FBXO16: variants seen among roughly 807,000 people sequenced by gnomAD.
The protein encoded by FBXO16 is F-box protein 16, also known as F-box only protein 16.
Under a neutral mutation model 41.0 loss-of-function variants are expected in FBXO16, and 31 were observed. The observed-to-expected ratio is 0.76, with a 90% CI of 0.57 to 1.02. The LOEUF is 1.02. Ranked by LOEUF, FBXO16 falls within the 50% of genes least tolerant of loss-of-function variation. FBXO16 has a pLI of 0.00. For synonymous variants in FBXO16, 133 were observed against 117.8 expected, an observed-to-expected ratio of 1.13 and a Z score of -0.84; for missense variants, 361 against 346.2, an observed-to-expected ratio of 1.04 and a Z score of -0.34.
intron 3 of FBXO16, among the ~76,000 whole-genome samples, chr8:28,466,637 A>C (rs1349584248): frequency 2.6e-5 from 4 of 152,042 alleles, no homozygotes; most frequent in Non-Finnish European, 5.9e-5. Flanking sequence ...TTAAAAAAAA[A>C]AAAAAAAATT....
chr8:28,478,010 AAAAC>A (rs527928263), intron 2 of FBXO16, among the ~76,000 whole-genome samples: 14 of 152,142 alleles, frequency 9.2e-5, no homozygotes, highest in East Asian at 1.9e-4. Flanking sequence ...GAGATCCTCA[AAAAC>A]AAACAAACAA....
intron 5 of FBXO16, among the ~76,000 whole-genome samples, chr8:28,454,521 G>A (rs1803006058): frequency 6.6e-6 from 1 of 151,524 alleles, no homozygotes; most frequent in South Asian, 2.1e-4. Flanking sequence ...GAGGTCAGAA[G>A]ATCGAGACCA....
intron 1 of FBXO16, among the ~76,000 whole-genome samples, chr8:28,487,000 CTCCTT>C (rs1401483026): frequency 1.3e-5 from 2 of 152,072 alleles, no homozygotes; most frequent in East Asian, 1.9e-4. Context: ...GAACAACTCT[CTCCTT>C]TCCAGTTTGT....
intron 1 of FBXO16, among the ~76,000 whole-genome samples, chr8:28,486,193 T>C (rs933099922): frequency 9.2e-5 from 14 of 151,846 alleles, no homozygotes; most frequent in African/African-American, 3.4e-4. Context: ...GTTTTTGTTG[T>C]TGTTATTTAT....
intron 1 of FBXO16, among the ~76,000 whole-genome samples, chr8:28,485,727 T>C (rs1226233020): frequency 6.6e-6 from 1 of 152,216 alleles, no homozygotes; most frequent in African/African-American, 2.4e-5. Context: ...CGGACTCACA[T>C]TTAGGTAAGT....
intron 1 of FBXO16, among the ~76,000 whole-genome samples, chr8:28,488,644 A>C (rs1803641079): frequency 6.6e-6 from 1 of 151,980 alleles, no homozygotes; most frequent in Non-Finnish European, 1.5e-5. Context: ...TAACCACCTT[A>C]CTAAGTATCT....
chr8:28,484,432 C>G (rs1197411743), intron 1 of FBXO16, among the ~76,000 whole-genome samples: 1 of 152,138 alleles, frequency 6.6e-6, no homozygotes, highest in African/African-American at 2.4e-5. Context: ...GATTAAAGCA[C>G]TTTAATTTTC....
chr8:28,460,523 A>G (rs994719648), intron 4 of FBXO16, among the ~76,000 whole-genome samples: 1 of 142,104 alleles, frequency 7.0e-6, no homozygotes, highest in African/African-American at 2.6e-5. Context: ...TCCCAGATTC[A>G]AGCAACCCTT....
intron 4 of FBXO16, among the ~76,000 whole-genome samples, chr8:28,460,225 G>GTGTATATATATATATATATATATATA (rs1554526791): frequency 1.3e-5 from 1 of 75,226 alleles, no homozygotes; most frequent in African/African-American, 7.0e-5. Context: ...ATATGTGTGT[G>GTGTATATATATATATATATATATATA]TATATATATA....
chr8:28,453,297 T>C (rs926712323), intron 5 of FBXO16, among the ~76,000 whole-genome samples: 3 of 151,988 alleles, frequency 2.0e-5, no homozygotes, highest in African/African-American at 4.8e-5. Context: ...ACTCTGCCAT[T>C]GTCTAGTTTG....
In FBXO16 at chr8:28,430,714, G is replaced by C. The variant is rs767111299; in HGVS notation, c.844-1311C>G. Among the ~76,000 whole-genome samples the C allele has an allele frequency of 2.0e-5, 3 of 152,302 alleles. No homozygotes were observed. In the South Asian group the frequency reaches 6.2e-4, roughly 32 times the overall value. ...TGGCCAGGCGCAGTGGCTCATGCCT[G>C]TAATCCTAGCACTTTGGGAGGCCAA... On this transcript the variant is annotated intron_variant, in intron 7 of 8. Transcript: ENST00000380254.
At chr8:28,483,834 C>T (rs2130204536) in intron 1 of FBXO16, among the ~76,000 whole-genome samples, 1 of 152,042 alleles carries the variant, frequency 6.6e-6, no homozygotes, top group South Asian at 2.1e-4. Flanking sequence ...AGCGAGACTC[C>T]ACCTCAAAAA....
At chr8:28,457,010 G>T (rs1434065206) in intron 4 of FBXO16, 80 bp from the exon 5 acceptor site, 2 of 1,488,354 alleles carry the variant, frequency 1.3e-6, no homozygotes, top group African/African-American at 1.4e-5. Flanking sequence ...TAGGTTTTGA[G>T]CTGTCATCCT....
intron 7 of FBXO16, among the ~76,000 whole-genome samples, chr8:28,441,944 G>A (rs909594525): frequency 0.081 from 10,524 of 129,158 alleles, 1,412 homozygotes; most frequent in African/African-American, 0.28. Flanking sequence ...GTGTGTGTGT[G>A]TATTTTTTTT....
chr8:28,484,072 G>GTATGTCCAAGGTCATACAGATAGCAA (rs1282535551), intron 1 of FBXO16, among the ~76,000 whole-genome samples: 1 of 152,170 alleles, frequency 6.6e-6, no homozygotes, highest in Admixed American at 6.5e-5. Flanking sequence ...TGGTGTAACT[G>GTATGTCCAAGGTCATACAGATAGCAA]GTAGTCAGAC....
chr8:28,481,112 G>A (rs1303753101), intron 2 of FBXO16, among the ~76,000 whole-genome samples: 3 of 152,158 alleles, frequency 2.0e-5, no homozygotes, highest in African/African-American at 7.2e-5. Context: ...GGGTGGAGCC[G>A]GGAAGTTGGC....
chr8:28,472,070 C>G (rs369906186), intron 3 of FBXO16, among the ~76,000 whole-genome samples: 70 of 152,228 alleles, frequency 4.6e-4, no homozygotes, highest in African/African-American at 1.6e-3. Flanking sequence ...TACTGTCCCC[C>G]AGATCCAAAT....
chr8:28,463,371 T>C (rs1353998351), intron 4 of FBXO16, among the ~76,000 whole-genome samples: 1 of 139,964 alleles, frequency 7.1e-6, no homozygotes, highest in Non-Finnish European at 1.6e-5. Flanking sequence ...TGTGTGTATA[T>C]GTGTGTGTTT....
At chr8:28,466,471 T>C (rs1803243349) in intron 3 of FBXO16, among the ~76,000 whole-genome samples, 1 of 151,838 alleles carries the variant, frequency 6.6e-6, no homozygotes, top group Non-Finnish European at 1.5e-5. Flanking sequence ...CCCGTTTCTA[T>C]ACAAGCCATA....
Sources: gnomAD v4.1 joint callset for allele counts (sites outside exome capture counted in the v4.1 genomes callset) on GRCh38, gnomAD v4.1.1 for gene constraint, MANE v1.5 for transcripts, NCBI Gene and HGNC (gene_info 2026-07-23, HGNC 2026-07-21) for gene names.